Variants in MACROD2 observed in about 807,000 individuals in gnomAD.
The protein encoded by MACROD2 is mono-ADP ribosylhydrolase 2.
MACROD2 carries 36 observed loss-of-function variants against 70.4 expected under a neutral mutation model. The observed-to-expected ratio is 0.51, with a 90% CI of 0.39 to 0.68. MACROD2 has a LOEUF of 0.68. Among genes scored for constraint, MACROD2 ranks in the 30% least tolerant of loss-of-function variants. MACROD2 has a pLI of 0.00. For synonymous variants in MACROD2, 172 were observed against 178.8 expected (o/e 0.96, Z 0.30); for missense variants, 496 against 538.4 (o/e 0.92, Z 0.78).
chr20:15,515,258 G>A (rs111999001), intron 8 of MACROD2, among the ~76,000 whole-genome samples: 2,479 of 152,298 alleles, frequency 0.016, 35 homozygotes, highest in Non-Finnish European at 0.025. Flanking sequence ...CTAAGCCATG[G>A]ATATTTCCAT....
intron 4 of MACROD2, among the ~76,000 whole-genome samples, chr20:14,502,266 T>C (rs973444283): frequency 6.6e-6 from 1 of 152,200 alleles, no homozygotes; most frequent in African/African-American, 2.4e-5. Context: ...TTTTATAATC[T>C]TTTTTGTTTT....
intron 8 of MACROD2, among the ~76,000 whole-genome samples, chr20:15,539,670 C>A (rs2047927628): frequency 6.6e-6 from 1 of 152,212 alleles, no homozygotes; most frequent in African/African-American, 2.4e-5. Flanking sequence ...TGACTTCACA[C>A]ATTCACTCAG....
intron 3 of MACROD2, among the ~76,000 whole-genome samples, chr20:14,382,621 T>A (rs907760334): frequency 1.3e-5 from 2 of 151,850 alleles, no homozygotes; most frequent in African/African-American, 4.8e-5. Context: ...TGAGCTGAGA[T>A]CGTGCCACTG....
chr20:15,935,758 C>CA (rs2065648754), intron 11 of MACROD2, among the ~76,000 whole-genome samples: 1 of 152,152 alleles, frequency 6.6e-6, no homozygotes, highest in Admixed American at 6.5e-5. Flanking sequence ...CCAATAAAAA[C>CA]AACATCTCTG....
chr20:15,176,743 C>CTG (rs897618607), intron 5 of MACROD2, among the ~76,000 whole-genome samples: 41 of 152,272 alleles, frequency 2.7e-4, no homozygotes, highest in African/African-American at 9.4e-4. Flanking sequence ...CCAAGCAGAA[C>CTG]TGTAACAAAC....
At chr20:15,618,183 C>G (rs2049068053) in intron 8 of MACROD2, among the ~76,000 whole-genome samples, 1 of 134,868 alleles carries the variant, frequency 7.4e-6, no homozygotes, top group Non-Finnish European at 1.5e-5. Context: ...ACTCATGGTT[C>G]CTTTCCCCAC....
At chr20:14,653,789 C>T (rs903341656) in intron 4 of MACROD2, among the ~76,000 whole-genome samples, 1 of 152,172 alleles carries the variant, frequency 6.6e-6, no homozygotes, top group African/African-American at 2.4e-5. Context: ...GCATGGTTGG[C>T]TCATTCCAAG....
intron 8 of MACROD2, among the ~76,000 whole-genome samples, chr20:15,629,405 A>G (rs6034236): frequency 5.1e-4 from 78 of 152,290 alleles, no homozygotes; most frequent in African/African-American, 1.7e-3. Flanking sequence ...TTCCCAAGAG[A>G]TTATGAAAGA....
At chr20:14,072,827 G>A (rs1486116331) in intron 2 of MACROD2, among the ~76,000 whole-genome samples, 2 of 151,726 alleles carry the variant, frequency 1.3e-5, no homozygotes, top group East Asian at 3.9e-4. Context: ...CCATCTACTC[G>A]GGAGGCTGAG....
At position 14,395,124 on chromosome 20, in the gene MACROD2, CTTCAACTTTCTGTGAGAGTTTGTGTAG is replaced by C. The variant is rs1337719040; in HGVS notation, c.272-98353_272-98327del. ...GATACGTCAGGAAGTGTTCCCTCATCTTCAACTTTCTGTGAGAGTTTGTGTAGTATTGGTATTATTTTCTCTTAAAAT... is the reference window on the plus strand; with the variant it reads ...GATACGTCAGGAAGTGTTCCCTCATCTATTGGTATTATTTTCTCTTAAAAT... On this transcript the variant is annotated intron_variant, in intron 3 of 17. Coordinates refer to ENST00000684519, the MANE Select transcript of MACROD2 (RefSeq NM_001351661.2). 2.0e-5 allele frequency among the ~76,000 whole-genome samples: 3 copies of C among 152,004 alleles called. No individual in the cohort carries two copies. In the East Asian group the frequency reaches 5.8e-4, roughly 29 times the overall value.
chr20:15,503,823 T>C (rs1218069822), intron 8 of MACROD2, among the ~76,000 whole-genome samples: 2 of 152,178 alleles, frequency 1.3e-5, no homozygotes, highest in African/African-American at 2.4e-5. Context: ...CTGAAGCTCT[T>C]AGCTGGTGAG....
At chr20:15,760,008 GACAA>G (rs1238856025) in intron 8 of MACROD2, among the ~76,000 whole-genome samples, 3 of 152,164 alleles carry the variant, frequency 2.0e-5, no homozygotes, top group Non-Finnish European at 4.4e-5. Flanking sequence ...GTGCTCACAG[GACAA>G]ACAGAGAATA....
rs115057841 is a variant in MACROD2 at position 15,859,843 on chromosome 20, A to G, written c.646-2902A>G. ...TCCATGGCAACAGAGCCTAAATGAT[A>G]AAAGGCAGATTATAGTTCCTTCCAA... On this transcript the variant is annotated intron_variant, in intron 8 of 17. Coordinates refer to ENST00000684519, the MANE Select transcript of MACROD2 (RefSeq NM_001351661.2). Among the ~76,000 whole-genome samples, 322 of 152,108 alleles carry G rather than the reference A, an allele frequency of 2.1e-3. 1 individual carries two copies. Among genetic ancestry groups the G allele is most frequent in the African/African-American group, 7.5e-3 (313 of 41,496 alleles).
At chr20:15,500,385 C>G (rs2047349837) in intron 8 of MACROD2, among the ~76,000 whole-genome samples, 2 of 152,256 alleles carry the variant, frequency 1.3e-5, no homozygotes, top group African/African-American at 4.8e-5. Flanking sequence ...TATTCATCAT[C>G]CTCCTATTCT....
intron 10 of MACROD2, among the ~76,000 whole-genome samples, chr20:15,920,970 GT>G (rs2147289153): frequency 6.6e-6 from 1 of 152,204 alleles, no homozygotes; most frequent in African/African-American, 2.4e-5. Context: ...AGTCCATCCT[GT>G]TCTCTCCCTC....
chr20:14,202,004 T>C (rs1374167390), intron 3 of MACROD2, among the ~76,000 whole-genome samples: 3 of 152,102 alleles, frequency 2.0e-5, no homozygotes, highest in Non-Finnish European at 2.9e-5. Flanking sequence ...GTTAAAATAT[T>C]GGACTATAAT....
intron 3 of MACROD2, among the ~76,000 whole-genome samples, chr20:14,258,238 C>T (rs1024613971): frequency 8.5e-5 from 13 of 152,136 alleles, no homozygotes; most frequent in African/African-American, 3.1e-4. Context: ...TTCTTTTCCT[C>T]TGGGTAGATG....
intron 3 of MACROD2, among the ~76,000 whole-genome samples, chr20:14,144,714 T>A (rs1387040250): frequency 6.6e-6 from 1 of 152,226 alleles, no homozygotes; most frequent in Non-Finnish European, 1.5e-5. Flanking sequence ...GTGTATTCCT[T>A]CAGCGACCTT....
At chr20:15,926,197 C>A (rs371162413) in intron 10 of MACROD2, among the ~76,000 whole-genome samples, 117 of 152,244 alleles carry the variant, frequency 7.7e-4, no homozygotes, top group African/African-American at 2.7e-3. Flanking sequence ...TATGTCGGGG[C>A]CAGCATCCTT....
Sources: allele counts gnomAD v4.1 joint callset (sites outside exome capture counted in the v4.1 genomes callset), GRCh38; gene constraint gnomAD v4.1.1; transcripts MANE v1.5; gene names NCBI Gene and HGNC (gene_info 2026-07-23, HGNC 2026-07-21).